Variants in AMBRA1 observed in about 807,000 individuals in gnomAD.
AMBRA1 encodes the protein autophagy and beclin 1 regulator 1, also known as activating molecule in BECN1-regulated autophagy protein 1.
Under a neutral mutation model 125.4 loss-of-function variants are expected in AMBRA1, and 47 were observed. That is an observed-to-expected ratio of 0.37 (90% CI 0.30 to 0.48). The LOEUF (loss-of-function observed/expected upper bound fraction) is 0.48. Ranked by LOEUF, AMBRA1 falls within the 20% of genes least tolerant of loss-of-function variation. AMBRA1 has a pLI of 0.99. For synonymous variants in AMBRA1, 626 were observed against 655.5 expected, an observed-to-expected ratio of 0.95 and a Z score of 0.69; for missense variants, 1,331 against 1,693.4, an observed-to-expected ratio of 0.79 and a Z score of 3.76.
At chr11:46,439,462 A>G (rs915071792) in intron 12 of AMBRA1, among the ~76,000 whole-genome samples, 1 of 152,196 alleles carries the variant, frequency 6.6e-6, no homozygotes, top group Non-Finnish European at 1.5e-5. Context: ...TGGATTATTA[A>G]TTAGTTGGGA....
chr11:46,499,444 G>T (rs1006658143), intron 9 of AMBRA1, among the ~76,000 whole-genome samples: 1 of 152,170 alleles, frequency 6.6e-6, no homozygotes, highest in East Asian at 1.9e-4. Context: ...GAATCCTAAA[G>T]TATTAATTCT....
intron 1 of AMBRA1, among the ~76,000 whole-genome samples, chr11:46,557,925 T>G (rs958545675): frequency 6.6e-6 from 1 of 152,128 alleles, no homozygotes; most frequent in African/African-American, 2.4e-5. Flanking sequence ...TAAGCCCAGC[T>G]TGTGCCACTA....
intron 14 of AMBRA1, among the ~76,000 whole-genome samples, chr11:46,419,995 T>TACACACACACACACACACAC (rs34070050): frequency 0.073 from 9,454 of 128,954 alleles, 536 homozygotes; most frequent in African/African-American, 0.092. Flanking sequence ...GTGTCCTCAA[T>TACACACACACACACACACAC]ACACACACAC....
In AMBRA1 at chr11:46,543,943, T is replaced by G. The variant is rs115747504; in HGVS notation, c.618+32A>C. The G allele has an allele frequency of 3.3e-4, 518 of 1,567,696 alleles. 2 individuals carry two copies. In the African/African-American group the frequency reaches 6.5e-3, roughly 20 times the overall value. ...CTAGTTAAGAAAAGAACTCACAGTT[T>G]AGCTGGAATTGGAACTGCTGGACTA... On this transcript the variant is annotated intron_variant, in intron 6 of 17. Coordinates refer to ENST00000683756, the MANE Select transcript of AMBRA1 (RefSeq NM_001387011.1).
chr11:46,436,265 C>T (rs1267657068), intron 12 of AMBRA1, among the ~76,000 whole-genome samples: 2 of 152,156 alleles, frequency 1.3e-5, no homozygotes, highest in African/African-American at 2.4e-5. Flanking sequence ...CTTTCAGAGG[C>T]CCCCAGGCTT....
intron 14 of AMBRA1, among the ~76,000 whole-genome samples, chr11:46,418,383 T>C (rs977395045): frequency 6.9e-6 from 1 of 144,900 alleles, no homozygotes; most frequent in African/African-American, 2.5e-5. Flanking sequence ...TATAAATATA[T>C]ATATTTATTA....
chr11:46,397,263 C>T lies in AMBRA1; in HGVS notation c.*187G>A, dbSNP rs1945501063. ...CAGATCCTGGAAGGTTCTAGTTCCC[C>T]GAGGCAGGCCTTGCCCATTTGACTG... On this transcript the variant is annotated 3_prime_UTR_variant, in exon 18 of 18. Transcript: ENST00000683756. The T allele has an allele frequency of 6.9e-6, 5 of 726,102 alleles. No individual in the cohort carries two copies. The highest frequency in any genetic ancestry group is 3.2e-5 in the East Asian group (1 of 30,784). 45.0% of individuals were successfully genotyped at this position (726,102 alleles called of 1,614,324 possible).
At chr11:46,454,673 C>T (rs1948772398) in intron 11 of AMBRA1, among the ~76,000 whole-genome samples, 1 of 151,622 alleles carries the variant, frequency 6.6e-6, no homozygotes, top group Admixed American at 6.6e-5. Flanking sequence ...ATGGTGTGAG[C>T]CCGGAAGGCG....
intron 11 of AMBRA1, among the ~76,000 whole-genome samples, chr11:46,455,571 C>T (rs77271839): frequency 0.014 from 2,077 of 152,310 alleles, 19 homozygotes; most frequent in Non-Finnish European, 0.021. Flanking sequence ...ACCTCTTGAT[C>T]TGTCATGGCC....
Position 46,519,636 on chromosome 11 carries a change from C to T in AMBRA1, c.2073-6823G>A, listed in dbSNP as rs181096633. 5.4e-3 allele frequency among the ~76,000 whole-genome samples: 821 copies of T among 152,308 alleles called. 7 individuals carry two copies. Among genetic ancestry groups the T allele is most frequent in the Non-Finnish European group, 7.0e-3 (477 of 68,018 alleles). On this transcript the variant is annotated intron_variant, in intron 7 of 17. Coordinates refer to ENST00000683756, the MANE Select transcript of AMBRA1 (RefSeq NM_001387011.1). Reference sequence around the variant, plus strand: ...CCTAATGAATAACTTTACAGCCTAGCTTTGATGTCTGGATGGCAACCGCTA... The same window carrying T: ...CCTAATGAATAACTTTACAGCCTAGTTTTGATGTCTGGATGGCAACCGCTA...
intron 11 of AMBRA1, among the ~76,000 whole-genome samples, chr11:46,449,629 C>A (rs1948475102): frequency 6.6e-6 from 1 of 152,096 alleles, no homozygotes; most frequent in Non-Finnish European, 1.5e-5. Flanking sequence ...CAACACAATC[C>A]CAATCAAAAT....
chr11:46,542,902 C>T lies in AMBRA1; in HGVS notation c.1115G>A (p.Ser372Asn). ...QGLLNRPSAF[S>N]TVQSSTAGNT... Reference sequence around the variant, plus strand: ...GCCGGCAGTGCTGCTCTGGACTGTACTGAAGGCAGACGGCCGGTTCAGGAG... The same window carrying T: ...GCCGGCAGTGCTGCTCTGGACTGTATTGAAGGCAGACGGCCGGTTCAGGAG... The change falls in exon 7 of 18, where the codon AGT becomes AAT. Residue 372 changes from serine (S) to asparagine (N), a missense_variant. Physicochemically the swap from Ser to Asn is conservative, Grantham distance 46 (BLOSUM62 1). Around this residue, in one of 4 missense-constraint regions of AMBRA1, gnomAD observed 689 missense variants for 776.5 expected, o/e 0.89. Coordinates refer to ENST00000683756, the MANE Select transcript of AMBRA1 (RefSeq NM_001387011.1). This position sits in a 1 kb window ranked among gnomAD's most constrained non-coding sequence, Gnocchi z 5.9. The T allele has an allele frequency of 6.2e-7, 1 of 1,612,434 alleles. No homozygotes were observed. Among genetic ancestry groups the T allele is most frequent in the Non-Finnish European group, 8.5e-7 (1 of 1,179,958 alleles).
chr11:46,520,598 CTTT>C (rs148775052), intron 7 of AMBRA1, among the ~76,000 whole-genome samples: 1 of 140,374 alleles, frequency 7.1e-6, no homozygotes. Context: ...TTTTTCTTTT[CTTT>C]TTTTTTTTTT....
chr11:46,436,515 C>T (rs1466019913), intron 12 of AMBRA1, among the ~76,000 whole-genome samples: 2 of 152,204 alleles, frequency 1.3e-5, no homozygotes, highest in African/African-American at 4.8e-5. Flanking sequence ...ACTGCTATCA[C>T]CATTAGGCCT....
intron 1 of AMBRA1, among the ~76,000 whole-genome samples, chr11:46,592,090 C>T (rs1296908127): frequency 1.3e-5 from 2 of 151,558 alleles, no homozygotes; most frequent in Non-Finnish European, 2.9e-5. Flanking sequence ...GGATTACAGG[C>T]ATGCGCCACC....
chr11:46,565,938 A>AT (rs112360857), intron 1 of AMBRA1, among the ~76,000 whole-genome samples: 3 of 151,786 alleles, frequency 2.0e-5, no homozygotes, highest in Non-Finnish European at 2.9e-5. Flanking sequence ...ACATCGGCTA[A>AT]TTTTTTTTGT....
intron 11 of AMBRA1, among the ~76,000 whole-genome samples, chr11:46,460,836 C>T (rs969613642): frequency 1.3e-5 from 2 of 152,016 alleles, no homozygotes; most frequent in East Asian, 3.9e-4. Context: ...TCTGTAATCC[C>T]AACACTTTGA....
At chr11:46,593,696 G>A in intron 1 of AMBRA1, 132 bp downstream of exon 1, 1 of 363,946 alleles carries the variant, frequency 2.7e-6, no homozygotes, top group Admixed American at 4.6e-5. Flanking sequence ...GCCCCTCAAC[G>A]CAGTCCGGTA....
At chr11:46,566,723 A>G (rs2043546368) in intron 1 of AMBRA1, among the ~76,000 whole-genome samples, 1 of 152,230 alleles carries the variant, frequency 6.6e-6, no homozygotes, top group Admixed American at 6.5e-5. Flanking sequence ...AAAGCATGAC[A>G]GTGAAAAAGA....
Sources: gnomAD v4.1 joint callset for allele counts (sites outside exome capture counted in the v4.1 genomes callset) on GRCh38, gnomAD v4.1.1 for gene constraint, gnomAD v4.1.1 regional missense constraint, Gnocchi (gnomAD v3.1) non-coding constraint, MANE v1.5 for transcripts, NCBI Gene and HGNC (gene_info 2026-07-23, HGNC 2026-07-21) for gene names.